Variants in LBP observed in about 807,000 individuals in gnomAD.
LBP encodes the protein lipopolysaccharide-binding protein.
In LBP, 53 loss-of-function variants were observed where a neutral mutation model predicts 56.6. The observed-to-expected ratio is 0.94, with a 90% CI of 0.75 to 1.18. The LOEUF is 1.18. LBP is among the 50% of genes most tolerant of loss of function. The pLI, the probability that LBP is intolerant of heterozygous loss-of-function variation, is 0.00. For synonymous variants in LBP, 227 were observed against 247.5 expected (o/e 0.92, Z 0.78); for missense variants, 601 against 598.3 (o/e 1.00, Z -0.05).
chr20:38,374,133 CA>C (rs2076909998), intron 14 of LBP, 120 bp downstream of exon 14: 10 of 1,023,356 alleles, frequency 9.8e-6, no homozygotes, highest in Non-Finnish European at 1.5e-5. Flanking sequence ...AAAGTCTGGC[CA>C]GGGGCAGGAC....
chr20:38,352,917 T>C (rs940069802), intron 3 of LBP, among the ~76,000 whole-genome samples: 1 of 152,136 alleles, frequency 6.6e-6, no homozygotes, highest in Non-Finnish European at 1.5e-5. Flanking sequence ...TTCAGCTCTT[T>C]CTTTTTATCT....
chr20:38,348,772 AGTTTAGTTTAGTTTAGTTTT>A (rs2076809954), intron 1 of LBP, among the ~76,000 whole-genome samples: 3 of 122,878 alleles, frequency 2.4e-5, no homozygotes, highest in East Asian at 2.5e-4. Context: ...AGTTTAGTTT[AGTTTAGTTTAGTTTAGTTTT>A]GTTTTGTTTT....
At chr20:38,366,647 C>T in intron 8 of LBP, 122 bp from the exon 9 acceptor site, 1 of 910,660 alleles carries the variant, frequency 1.1e-6, no homozygotes, top group Non-Finnish European at 1.8e-6. Context: ...CTCCTCCCTG[C>T]CAGGGTAACC....
Position 38,354,354 on chromosome 20 carries a change from G to C in LBP, c.439G>C (p.Glu147Gln). 7 of 1,613,698 alleles carry C rather than the reference G, an allele frequency of 4.3e-6. No individual in the cohort carries two copies. The highest frequency in any genetic ancestry group is 5.9e-6 in the Non-Finnish European group (7 of 1,179,938). Residue 147 changes from glutamate to glutamine, a missense_variant, in exon 4 of 15, where the codon GAG becomes CAG. Glu to Gln is a conservative substitution (Grantham distance 29, BLOSUM62 2). Coordinates refer to ENST00000217407, the MANE Select transcript of LBP (RefSeq NM_004139.5). ...TTCGGTCAACCTCCTGTTGGGCAGC[G>C]AGTCCTCCGGGAGGCCCACAGTTAC... The part of the protein sequence containing the change: ...SISVNLLLGS[E>Q]SSGRPTVTAS...
At chr20:38,365,750 A>G (rs1368627778) in intron 8 of LBP, among the ~76,000 whole-genome samples, 3 of 146,614 alleles carry the variant, frequency 2.0e-5, no homozygotes, top group Non-Finnish European at 4.5e-5. Flanking sequence ...ATATATTTAT[A>G]TGTGAATGAG....
chr20:38,367,335 T>C (rs1479933646), intron 9 of LBP, among the ~76,000 whole-genome samples: 1 of 152,064 alleles, frequency 6.6e-6, no homozygotes, highest in Non-Finnish European at 1.5e-5. Context: ...ATAGCTGTAG[T>C]CCCAGCCACT....
intron 7 of LBP, 31 bp downstream of exon 7, chr20:38,364,097 G>A: frequency 6.7e-7 from 1 of 1,481,806 alleles, no homozygotes; most frequent in South Asian, 1.1e-5. Flanking sequence ...CTGCGTGGGT[G>A]AGGCTTTCCC....
intron 5 of LBP, 34 bp from the exon 6 acceptor site, chr20:38,360,670 A>G (rs768746657): frequency 2.5e-5 from 36 of 1,468,574 alleles, no homozygotes; most frequent in Non-Finnish European, 3.2e-5. Context: ...GAGCTGGGGA[A>G]CTCACTCAGT....
At position 38,364,195 on chromosome 20, in the gene LBP, G is replaced by A. The variant is rs11536977; in HGVS notation, c.744+129G>A. Reference sequence around the variant, plus strand: ...AGTGGTTCCCGCTTTGTCAAGGGCCGGGTGATATGGAGTGGTGGGGAGTGT... The same window carrying A: ...AGTGGTTCCCGCTTTGTCAAGGGCCAGGTGATATGGAGTGGTGGGGAGTGT... On this transcript the variant is annotated intron_variant, in intron 7 of 14. Coordinates refer to ENST00000217407, the MANE Select transcript of LBP (RefSeq NM_004139.5). The A allele has an allele frequency of 1.5e-3, 1,052 of 679,586 alleles. 9 individuals carry two copies. The African/African-American group carries it at 0.017, about 11-fold the overall frequency. 42.1% of individuals were successfully genotyped at this position (679,586 alleles called of 1,614,324 possible). A position where few individuals can be genotyped will look rare whatever the true frequency, so the allele number is the denominator to read the frequency against.
In LBP at chr20:38,368,747, T is replaced by A. The variant is rs112685620; in HGVS notation, c.982-248T>A. Among the ~76,000 whole-genome samples, 48 of 152,168 alleles carry A rather than the reference T, an allele frequency of 3.2e-4. 3 individuals carry two copies. Among genetic ancestry groups the A allele is most frequent in the African/African-American group, 1.1e-3 (46 of 41,504 alleles). On this transcript the variant is annotated intron_variant, in intron 9 of 14. Transcript: ENST00000217407. Reference sequence around the variant, plus strand: ...ACCCTGGAGACAACTTGATGCCCAATAGAGTTTAATCCATCGCAGGACCCA... The same window carrying A: ...ACCCTGGAGACAACTTGATGCCCAAAAGAGTTTAATCCATCGCAGGACCCA...
intron 7 of LBP, 51 bp from the exon 8 acceptor site, chr20:38,364,525 G>C (rs2232605): frequency 0.058 from 90,920 of 1,575,674 alleles, 3,308 homozygotes; most frequent in South Asian, 0.13. Context: ...CCTAGCCCCT[G>C]CCCCACGATA....
At chr20:38,364,898 T>C (rs777420268) in intron 8 of LBP, 146 bp downstream of exon 8, 89 of 795,274 alleles carry the variant, frequency 1.1e-4, no homozygotes, top group Non-Finnish European at 1.5e-4. Flanking sequence ...GTTAGCACAA[T>C]CTCCCTTTTT....
intron 5 of LBP, among the ~76,000 whole-genome samples, chr20:38,357,108 G>A (rs1208566232): frequency 2.0e-5 from 3 of 152,220 alleles, no homozygotes; most frequent in African/African-American, 7.2e-5. Context: ...GCTCACCTCA[G>A]TGTCCCAAAG....
intron 5 of LBP, among the ~76,000 whole-genome samples, chr20:38,358,698 C>T (rs6127849): frequency 0.017 from 2,625 of 152,272 alleles, 101 homozygotes; most frequent in East Asian, 0.14. Flanking sequence ...AGCAACCCAG[C>T]GTCTGATGGA....
intron 6 of LBP, 57 bp downstream of exon 6, chr20:38,360,824 A>T: frequency 7.7e-7 from 1 of 1,296,040 alleles, no homozygotes; most frequent in Non-Finnish European, 1.1e-6. Context: ...CTATAAGAGC[A>T]TATATATATC....
intron 5 of LBP, among the ~76,000 whole-genome samples, chr20:38,356,824 C>T (rs1427435357): frequency 6.6e-6 from 1 of 152,052 alleles, no homozygotes; most frequent in Admixed American, 6.5e-5. Flanking sequence ...GGATAATGGG[C>T]TCAGCAGTTC....
At position 38,376,821 on chromosome 20, in the gene LBP, C is replaced by A. The variant is rs771484412; in HGVS notation, c.*152C>A. Reference sequence around the variant, plus strand: ...GCCTGGCCTCTGCCTCCACCCTCCTCCTCTTCACCAGGTGCATGCATGCCC... The same window carrying A: ...GCCTGGCCTCTGCCTCCACCCTCCTACTCTTCACCAGGTGCATGCATGCCC... On this transcript the variant is annotated 3_prime_UTR_variant, in exon 15 of 15. Coordinates refer to ENST00000217407, the MANE Select transcript of LBP (RefSeq NM_004139.5). 2 of 783,566 alleles carry A rather than the reference C, an allele frequency of 2.6e-6. No homozygotes were observed. The highest frequency in any genetic ancestry group is 2.8e-5 in the South Asian group (2 of 72,100). The allele number at this position is 783,566 out of a possible 1,614,324, so 48.5% of individuals were successfully genotyped here.
At chr20:38,366,583 G>A (rs5741818) in intron 8 of LBP, among the ~76,000 whole-genome samples, 186 bp from the exon 9 acceptor site, 3,955 of 152,242 alleles carry the variant, frequency 0.026, 171 homozygotes, top group African/African-American at 0.09. Context: ...CGGGGAGAGC[G>A]GGCAGGATGC....
At chr20:38,363,873 G>A (rs775198579) in intron 6 of LBP, 102 bp from the exon 7 acceptor site, 1 of 825,800 alleles carries the variant, frequency 1.2e-6, no homozygotes, top group Non-Finnish European at 2.1e-6. Flanking sequence ...GGGGGATTCT[G>A]AAGAAAGTCA....
Sources: allele counts gnomAD v4.1 joint callset (sites outside exome capture counted in the v4.1 genomes callset), GRCh38; gene constraint gnomAD v4.1.1; transcripts MANE v1.5; gene names NCBI Gene and HGNC (gene_info 2026-07-23, HGNC 2026-07-21).